DZANK1: variants seen among roughly 807,000 people sequenced by gnomAD.
DZANK1 encodes double zinc ribbon and ankyrin repeat-containing protein 1.
In DZANK1, 91 loss-of-function variants were observed where a neutral mutation model predicts 94.5. The ratio of observed to expected loss-of-function variants is 0.96; its 90% CI spans 0.81 to 1.15. The LOEUF is 1.15. Among genes scored for constraint, DZANK1 ranks in the 50% most tolerant of loss-of-function variants. The probability of loss-of-function intolerance (pLI) is 0.00; values close to 1 mark genes in which losing one functional copy is unlikely to be tolerated. For synonymous variants in DZANK1, 312 were observed against 325.3 expected (o/e 0.96, Z 0.44); for missense variants, 903 against 916.4 (o/e 0.99, Z 0.19).
At chr20:18,401,900 G>C (rs1248897834) in intron 13 of DZANK1, among the ~76,000 whole-genome samples, 4 of 152,182 alleles carry the variant, frequency 2.6e-5, no homozygotes, top group Non-Finnish European at 5.9e-5. Flanking sequence ...AGATTCCAAA[G>C]GAAGAGAAAC....
chr20:18,398,503 G>A lies in DZANK1; in HGVS notation c.1536+20C>T, dbSNP rs774493084. The A allele has an allele frequency of 5.0e-6, 8 of 1,611,178 alleles. No homozygotes were observed. In the South Asian group the frequency reaches 7.7e-5, roughly 15 times the overall value. On this transcript the variant is annotated intron_variant, in intron 14 of 20. Transcript: ENST00000262547. ...CTGATCCCGTGGACACTTGTGGAGT[G>A]GAAATTTCATCTCACCCACCTTTCC... is the stretch of plus-strand genomic sequence containing the variant.
At chr20:18,386,966 T>C (rs749477328) in intron 19 of DZANK1, among the ~76,000 whole-genome samples, 1 of 152,198 alleles carries the variant, frequency 6.6e-6, no homozygotes, top group Non-Finnish European at 1.5e-5. Context: ...TTCACACTGC[T>C]GATAAAGACA....
chr20:18,455,334 TG>T lies in DZANK1; in HGVS notation c.290del (p.Thr97LysfsTer6). ...GTTCATAGTCTACGTGAAACACCTTTGTCACAATGCCACTCTGTCTGCAGTC... is the reference window on the plus strand; with the variant it reads ...GTTCATAGTCTACGTGAAACACCTTTTCACAATGCCACTCTGTCTGCAGTC... On this transcript the variant is annotated frameshift_variant, in exon 4 of 21. Coordinates refer to ENST00000262547, the Ensembl canonical transcript of DZANK1. LOFTEE classifies it high-confidence loss of function. 1.2e-6 allele frequency: 2 copies of T among 1,607,182 alleles called. No individual in the cohort carries two copies. The highest frequency in any genetic ancestry group is 1.7e-6 in the Non-Finnish European group (2 of 1,176,334).
chr20:18,433,568 T>C (rs2058376135), intron 9 of DZANK1, 84 bp downstream of exon 9: 1 of 1,219,924 alleles, frequency 8.2e-7, no homozygotes, highest in Non-Finnish European at 1.2e-6. Flanking sequence ...TGTTACCCCA[T>C]CCCACTAGCT....
At chr20:18,448,214 CG>C (rs1371867673) in intron 7 of DZANK1, among the ~76,000 whole-genome samples, 2 of 152,100 alleles carry the variant, frequency 1.3e-5, no homozygotes, top group African/African-American at 4.8e-5. Context: ...TAAAAAGAAA[CG>C]GATGTTTGTT....
At chr20:18,422,069 A>T (rs2057805867) in intron 10 of DZANK1, among the ~76,000 whole-genome samples, 1 of 151,884 alleles carries the variant, frequency 6.6e-6, no homozygotes, top group African/African-American at 2.4e-5. Context: ...GTTTGATGTA[A>T]TTCTGTTTGT....
intron 7 of DZANK1, among the ~76,000 whole-genome samples, chr20:18,445,348 TAGAA>T (rs2058840705): frequency 6.6e-6 from 1 of 152,216 alleles, no homozygotes; most frequent in Admixed American, 6.5e-5. Flanking sequence ...GAAAAACTGA[TAGAA>T]ATGAAATGCA....
chr20:18,386,692 T>G (rs117249445), intron 19 of DZANK1, among the ~76,000 whole-genome samples: 2,104 of 152,150 alleles, frequency 0.014, 25 homozygotes, highest in Non-Finnish European at 0.019. Context: ...ACTGTCCAAC[T>G]AACAGTTCTA....
intron 1 of DZANK1, among the ~76,000 whole-genome samples, chr20:18,466,038 C>G (rs571364344): frequency 9.9e-5 from 15 of 152,250 alleles, no homozygotes; most frequent in African/African-American, 3.4e-4. Context: ...AATTAACTAC[C>G]AGTATGAAAG....
In DZANK1 at chr20:18,433,833, T is replaced by C. The variant is rs573540044; in HGVS notation, c.748-68A>G. On this transcript the variant is annotated intron_variant, in intron 8 of 20. Transcript: ENST00000262547. Reference sequence around the variant, plus strand: ...GAAGGTATGAATAGATCTTAGAATGTAAGGTTTGGTCTACAGCCGTACCAC... The same window carrying C: ...GAAGGTATGAATAGATCTTAGAATGCAAGGTTTGGTCTACAGCCGTACCAC... 41 of 1,390,278 alleles carry C rather than the reference T, an allele frequency of 2.9e-5. 1 individual carries two copies. In the South Asian group the frequency reaches 4.8e-4, roughly 16 times the overall value. 86.1% of individuals were successfully genotyped at this position (1,390,278 alleles called of 1,614,324 possible).
exon 21 of DZANK1, chr20:18,383,542 G>T (rs2048310150): frequency 6.6e-6 from 1 of 152,220 alleles, no homozygotes; most frequent in Admixed American, 6.5e-5. Context: ...ATACAGAACA[G>T]TGTGTGGTTG....
intron 18 of DZANK1, among the ~76,000 whole-genome samples, chr20:18,390,078 T>C (rs2055875758): frequency 6.6e-6 from 1 of 152,162 alleles, no homozygotes. Flanking sequence ...CCTGACAACC[T>C]TGCTTCTTTA....
chr20:18,460,496 G>T (rs1452814881), intron 2 of DZANK1, among the ~76,000 whole-genome samples, 190 bp from the exon 3 acceptor site: 1 of 152,190 alleles, frequency 6.6e-6, no homozygotes, highest in Non-Finnish European at 1.5e-5. Context: ...TTGGGAGGCC[G>T]AGGCGGGCGG....
At chr20:18,397,256 G>T (rs1177185354) in intron 14 of DZANK1, among the ~76,000 whole-genome samples, 1 of 152,182 alleles carries the variant, frequency 6.6e-6, no homozygotes, top group African/African-American at 2.4e-5. Flanking sequence ...ATTATCAAAG[G>T]AAATTGGGTA....
At chr20:18,456,738 A>G (rs2059307021) in intron 3 of DZANK1, among the ~76,000 whole-genome samples, 2 of 152,040 alleles carry the variant, frequency 1.3e-5, no homozygotes, top group South Asian at 4.1e-4. Context: ...ATGTTGTTGT[A>G]ACTCGTTCAT....
intron 4 of DZANK1, chr20:18,454,050 A>AAGTGGTG (rs1568544702): frequency 1.6e-6 from 1 of 638,008 alleles, no homozygotes. Flanking sequence ...TCACCAGGTG[A>AAGTGGTG]AGTGGCCAAG....
At chr20:18,410,457 T>TAC (rs1433045972) in intron 13 of DZANK1, among the ~76,000 whole-genome samples, 1 of 152,114 alleles carries the variant, frequency 6.6e-6, no homozygotes, top group Non-Finnish European at 1.5e-5. Context: ...ATCAAAATGT[T>TAC]ACACTGGAAA....
chr20:18,425,188 A>G (rs750908380), intron 10 of DZANK1, among the ~76,000 whole-genome samples: 2 of 152,212 alleles, frequency 1.3e-5, no homozygotes, highest in African/African-American at 2.4e-5. Context: ...TCATATCTCA[A>G]TAAAGCTGGA....
intron 10 of DZANK1, among the ~76,000 whole-genome samples, chr20:18,424,741 C>T (rs2148538816): frequency 6.6e-6 from 1 of 152,220 alleles, no homozygotes; most frequent in South Asian, 2.1e-4. Flanking sequence ...GAAAACTATG[C>T]CCACACAGAG....
Sources: allele counts gnomAD v4.1 joint callset (sites outside exome capture counted in the v4.1 genomes callset), GRCh38; gene constraint gnomAD v4.1.1; transcripts MANE v1.5; gene names NCBI Gene and HGNC (gene_info 2026-07-23, HGNC 2026-07-21).